The following RAI14 variants were observed in gnomAD, a reference collection of about 807,000 sequenced individuals.
RAI14 encodes retinoic acid induced 14, also known as ankycorbin.
In RAI14, 45 loss-of-function variants were observed where a neutral mutation model predicts 115.4. The observed-to-expected ratio is 0.39, with a 90% confidence interval of 0.31 to 0.50. RAI14 has a LOEUF of 0.50. Among genes scored for constraint, RAI14 ranks in the 20% least tolerant of loss-of-function variants. RAI14 has a pLI of 0.85. For synonymous variants in RAI14, 371 were observed against 415.4 expected (o/e 0.89, Z 1.30); for missense variants, 939 against 1,131.2 (o/e 0.83, Z 2.44).
chr5:34,792,987 A>G (rs752720510), intron 3 of RAI14, among the ~76,000 whole-genome samples: 35 of 152,176 alleles, frequency 2.3e-4, no homozygotes, highest in Non-Finnish European at 4.4e-4. Flanking sequence ...CTAAACTCTC[A>G]ATGGGAGAGG....
At chr5:34,790,341 A>G (rs1273560173) in intron 3 of RAI14, among the ~76,000 whole-genome samples, 2 of 152,216 alleles carry the variant, frequency 1.3e-5, no homozygotes, top group African/African-American at 4.8e-5. Context: ...ATGGGTTGTT[A>G]GGGAACTGCC....
intron 1 of RAI14, among the ~76,000 whole-genome samples, chr5:34,668,152 G>T (rs951105017): frequency 6.6e-5 from 10 of 152,140 alleles, no homozygotes; most frequent in African/African-American, 2.4e-4. Flanking sequence ...CCAGCACTTT[G>T]GGAGGCTGAG....
intron 7 of RAI14, among the ~76,000 whole-genome samples, chr5:34,809,681 A>T (rs959065388): frequency 6.6e-6 from 1 of 151,868 alleles, no homozygotes; most frequent in African/African-American, 2.4e-5. Context: ...TTTGCAGCAT[A>T]TATTTCCTAT....
chr5:34,771,957 G>A (rs759239456), intron 3 of RAI14, among the ~76,000 whole-genome samples: 10 of 152,138 alleles, frequency 6.6e-5, no homozygotes, highest in Non-Finnish European at 1.0e-4. Flanking sequence ...TTGGAGTGCA[G>A]TGGCACGATC....
chr5:34,658,179 T>A (rs1014876131), intron 1 of RAI14, among the ~76,000 whole-genome samples: 3 of 152,164 alleles, frequency 2.0e-5, no homozygotes, highest in Non-Finnish European at 4.4e-5. Context: ...ATAACCCTGC[T>A]GGAAAATCTT....
chr5:34,714,048 C>A (rs556407766), intron 2 of RAI14, among the ~76,000 whole-genome samples: 1 of 151,354 alleles, frequency 6.6e-6, no homozygotes, highest in Admixed American at 6.6e-5. Flanking sequence ...ATGATCTGCC[C>A]GCCTCGGCCT....
intron 2 of RAI14, among the ~76,000 whole-genome samples, chr5:34,688,560 C>T (rs1476949159): frequency 6.6e-6 from 1 of 152,076 alleles, no homozygotes; most frequent in Non-Finnish European, 1.5e-5. Flanking sequence ...TGTAATAACA[C>T]TAGTAAAAGC....
Position 34,665,056 on chromosome 5 carries a change from T to C in RAI14, c.-49+8581T>C, listed in dbSNP as rs1359517506. The stretch of plus-strand genomic sequence containing the variant: ...ATGTATATATATGTGTATATATATG[T>C]GTATATATATGTGTATATATATGTG... On this transcript the variant is annotated intron_variant, in intron 1 of 17. Coordinates refer to ENST00000265109, the MANE Select transcript of RAI14 (RefSeq NM_015577.3). Among the ~76,000 whole-genome samples, 9 of 62,180 alleles carry C rather than the reference T, an allele frequency of 1.4e-4. 3 individuals carry two copies. In the East Asian group the frequency reaches 3.6e-3, roughly 25 times the overall value. 40.8% of individuals were successfully genotyped at this position (62,180 alleles called of 152,430 possible).
At chr5:34,746,091 T>G (rs867883567) in intron 2 of RAI14, among the ~76,000 whole-genome samples, 6 of 49,292 alleles carry the variant, frequency 1.2e-4, no homozygotes, top group African/African-American at 4.7e-4. Context: ...CACCACCCCC[T>G]CCCCCCCCCG....
At chr5:34,715,284 G>A (rs765588521) in intron 2 of RAI14, among the ~76,000 whole-genome samples, 6 of 152,100 alleles carry the variant, frequency 3.9e-5, no homozygotes, top group Non-Finnish European at 7.4e-5. Flanking sequence ...AACTATCATG[G>A]CACTCGTGGG....
intron 3 of RAI14, among the ~76,000 whole-genome samples, chr5:34,764,233 G>T (rs764578668): frequency 6.6e-6 from 1 of 152,170 alleles, no homozygotes; most frequent in Non-Finnish European, 1.5e-5. Context: ...AGCAACTTGA[G>T]TTCAGGGCCC....
chr5:34,722,737 T>C (rs1189375227), intron 2 of RAI14, among the ~76,000 whole-genome samples: 2 of 150,044 alleles, frequency 1.3e-5, no homozygotes, highest in African/African-American at 2.5e-5. Context: ...TTCCAGCTAC[T>C]TGGGGGGCTG....
intron 2 of RAI14, among the ~76,000 whole-genome samples, chr5:34,754,788 G>A (rs1747664342): frequency 6.6e-6 from 1 of 152,150 alleles, no homozygotes; most frequent in Non-Finnish European, 1.5e-5. Context: ...CTCCTGCCAT[G>A]TCTTATAGAA....
chr5:34,684,912 C>T (rs895760218), intron 1 of RAI14: 6 of 152,182 alleles, frequency 3.9e-5, no homozygotes, highest in African/African-American at 1.4e-4. Context: ...TGTTAAAGGT[C>T]ACCTGTTCTC....
intron 2 of RAI14, among the ~76,000 whole-genome samples, chr5:34,705,937 A>T (rs1367074906): frequency 6.6e-6 from 1 of 152,090 alleles, no homozygotes; most frequent in Non-Finnish European, 1.5e-5. Flanking sequence ...ATGCGCCACC[A>T]CGCCCAGCCC....
rs543423898 is a variant in RAI14 at position 34,740,819 on chromosome 5, A to G, written c.37-16649A>G. ...ATTTTTCCCCCTGTGGGTGGATATT[A>G]GCGTTTATTTTGGGCTTGCTATTAT... is the stretch of plus-strand genomic sequence containing the variant. On this transcript the variant is annotated intron_variant, in intron 2 of 17. Transcript: ENST00000265109. 3.9e-5 allele frequency among the ~76,000 whole-genome samples: 6 copies of G among 152,360 alleles called. No individual in the cohort carries two copies. In the South Asian group the frequency reaches 1.2e-3, roughly 32 times the overall value.
intron 2 of RAI14, among the ~76,000 whole-genome samples, chr5:34,703,619 TG>T (rs1740342907): frequency 6.6e-6 from 1 of 152,186 alleles, no homozygotes; most frequent in South Asian, 2.1e-4. Flanking sequence ...TAAAAATCTA[TG>T]GGAATCCTTC....
At chr5:34,684,080 G>A (rs1744610155) in intron 1 of RAI14, among the ~76,000 whole-genome samples, 1 of 145,106 alleles carries the variant, frequency 6.9e-6, no homozygotes, top group South Asian at 2.1e-4. Flanking sequence ...CCCAGCCAGC[G>A]ACAGTTAGCC....
chr5:34,681,111 G>T (rs1403554370), intron 1 of RAI14, among the ~76,000 whole-genome samples: 1 of 152,204 alleles, frequency 6.6e-6, no homozygotes, highest in Admixed American at 6.5e-5. Flanking sequence ...TTTGGATGGC[G>T]TGAGGTACTG....
Sources: allele counts gnomAD v4.1 joint callset (sites outside exome capture counted in the v4.1 genomes callset), GRCh38; gene constraint gnomAD v4.1.1; transcripts MANE v1.5; gene names NCBI Gene and HGNC (gene_info 2026-07-23, HGNC 2026-07-21).